Variants in DSCAML1 observed in about 807,000 individuals in gnomAD.
The protein encoded by DSCAML1 is DS cell adhesion molecule like 1, also known as cell adhesion molecule DSCAML1.
A neutral mutation model predicts 200.5 loss-of-function variants in DSCAML1; 38 were observed. The ratio of observed to expected loss-of-function variants is 0.19; its 90% CI spans 0.15 to 0.25. The LOEUF (loss-of-function observed/expected upper bound fraction) is 0.25, where lower values mean the gene tolerates loss of function less well. DSCAML1 is among the 10% of genes least tolerant of loss of function. The pLI is 1.00. For missense variants in DSCAML1, 2,223 were observed against 2,858.8 expected, an observed-to-expected ratio of 0.78 and a Z score of 5.07; for synonymous variants, 1,215 against 1,165.0, an observed-to-expected ratio of 1.04 and a Z score of -0.87.
At chr11:117,633,940 T>C (rs1671068832) in intron 3 of DSCAML1, among the ~76,000 whole-genome samples, 1 of 152,194 alleles carries the variant, frequency 6.6e-6, no homozygotes, top group African/African-American at 2.4e-5. Context: ...AATGGTACCA[T>C]GTGCATGCCT....
At chr11:117,637,048 T>C (rs2052302145) in intron 3 of DSCAML1, among the ~76,000 whole-genome samples, 1 of 152,164 alleles carries the variant, frequency 6.6e-6, no homozygotes, top group Admixed American at 6.5e-5. Flanking sequence ...TCCTGGCCTT[T>C]GCACATGCTG....
chr11:117,452,135 G>A (rs1342743712), intron 19 of DSCAML1, among the ~76,000 whole-genome samples: 1 of 152,172 alleles, frequency 6.6e-6, no homozygotes, highest in East Asian at 1.9e-4. Flanking sequence ...GGCCACTGGG[G>A]TAAGTGCACT....
chr11:117,462,210 G>A (rs377602405), intron 17 of DSCAML1, among the ~76,000 whole-genome samples: 1 of 152,186 alleles, frequency 6.6e-6, no homozygotes, highest in South Asian at 2.1e-4. Flanking sequence ...AGCTTCGCTC[G>A]TGCCCTTGTA....
intron 14 of DSCAML1, among the ~76,000 whole-genome samples, chr11:117,478,321 C>T (rs911349481): frequency 1.3e-5 from 2 of 152,114 alleles, no homozygotes; most frequent in African/African-American, 4.8e-5. Flanking sequence ...GGCAGGGAGG[C>T]GGTGTGTGCA....
chr11:117,785,558 C>T (rs2055336888), intron 1 of DSCAML1, among the ~76,000 whole-genome samples: 1 of 151,514 alleles, frequency 6.6e-6, no homozygotes, highest in Non-Finnish European at 1.5e-5. Flanking sequence ...AGTTGGGGGT[C>T]GAAGGCAGTG....
intron 3 of DSCAML1, among the ~76,000 whole-genome samples, chr11:117,649,037 A>ATG (rs1301863616): frequency 7.8e-6 from 1 of 127,978 alleles, no homozygotes; most frequent in African/African-American, 3.4e-5. Context: ...CTCTCTCCAT[A>ATG]TATATGTGTG....
chr11:117,598,638 G>T (rs926411111), intron 3 of DSCAML1, among the ~76,000 whole-genome samples: 2 of 152,170 alleles, frequency 1.3e-5, no homozygotes, highest in African/African-American at 2.4e-5. Context: ...CAAACATAAA[G>T]TCCAAACATG....
intron 21 of DSCAML1, among the ~76,000 whole-genome samples, chr11:117,441,522 G>A (rs1402014121): frequency 7.1e-6 from 1 of 141,178 alleles, no homozygotes; most frequent in African/African-American, 2.9e-5. Context: ...ATCACAGAAG[G>A]TGCGGGGCCA....
chr11:117,721,217 T>C (rs959674151), intron 3 of DSCAML1, among the ~76,000 whole-genome samples: 3 of 152,232 alleles, frequency 2.0e-5, no homozygotes, highest in South Asian at 2.1e-4. Flanking sequence ...TCATGTGCTA[T>C]TTCCTCCAGT....
Position 117,575,419 on chromosome 11 carries a change from C to G in DSCAML1, c.512-42897G>C, listed in dbSNP as rs1418811826. 3.9e-5 allele frequency among the ~76,000 whole-genome samples: 6 copies of G among 152,336 alleles called. No homozygotes were observed. In the East Asian group the frequency reaches 9.6e-4, roughly 24 times the overall value. On this transcript the variant is annotated intron_variant, in intron 3 of 32. Coordinates refer to ENST00000651296, the MANE Select transcript of DSCAML1 (RefSeq NM_020693.4). ...AGTTCCAACTGGTGGTTCTCAGCCT[C>G]TGATGCATATTAGGATCACTTTTCA...
At chr11:117,669,290 G>A (rs748233643) in intron 3 of DSCAML1, among the ~76,000 whole-genome samples, 3 of 152,236 alleles carry the variant, frequency 2.0e-5, no homozygotes, top group Non-Finnish European at 4.4e-5. Context: ...GCAGGCACCA[G>A]GGTGGGCAGA....
At chr11:117,587,256 C>CT (rs1565808710) in intron 3 of DSCAML1, among the ~76,000 whole-genome samples, 3 of 148,844 alleles carry the variant, frequency 2.0e-5, no homozygotes, top group South Asian at 4.5e-4. Flanking sequence ...CTTTCCAACC[C>CT]CCCCCCACGA....
chr11:117,699,276 CT>C (rs2137740133), intron 3 of DSCAML1, among the ~76,000 whole-genome samples: 1 of 152,276 alleles, frequency 6.6e-6, no homozygotes, highest in African/African-American at 2.4e-5. Context: ...GAGCTCTGGC[CT>C]TGGTGGCTGC....
At chr11:117,571,864 A>G (rs904409999) in intron 3 of DSCAML1, among the ~76,000 whole-genome samples, 1 of 152,212 alleles carries the variant, frequency 6.6e-6, no homozygotes, top group Admixed American at 6.5e-5. Context: ...AGGTTGCAGT[A>G]AAGGAGCTGG....
chr11:117,464,135 C>T (rs1012544350), intron 17 of DSCAML1, among the ~76,000 whole-genome samples: 2 of 151,860 alleles, frequency 1.3e-5, no homozygotes, highest in Admixed American at 1.3e-4. Flanking sequence ...TCTGTTGGGG[C>T]GGGGTGGGTA....
intron 11 of DSCAML1, among the ~76,000 whole-genome samples, chr11:117,490,903 C>A (rs558927117): frequency 5.3e-4 from 80 of 152,268 alleles, no homozygotes; most frequent in Admixed American, 1.0e-3. Flanking sequence ...GGCCAGGAGG[C>A]CAGTCCAGGG....
chr11:117,577,383 T>C (rs2050950487), intron 3 of DSCAML1, among the ~76,000 whole-genome samples: 1 of 143,242 alleles, frequency 7.0e-6, no homozygotes, highest in Non-Finnish European at 1.6e-5. Context: ...AAGATTTCCT[T>C]CCTTCCTCCC....
intron 3 of DSCAML1, among the ~76,000 whole-genome samples, chr11:117,541,434 A>G (rs914597922): frequency 6.6e-6 from 1 of 152,182 alleles, no homozygotes; most frequent in Non-Finnish European, 1.5e-5. Context: ...TGAATCAATG[A>G]ATCCTGGCAG....
In DSCAML1 at chr11:117,552,935, C is replaced by T. The variant is rs9651683; in HGVS notation, c.512-20413G>A. ...TGCTCAGTATTGTCCCAGGCTGGCC[C>T]GGGGAAGTGCGTGGTTGGGAAGACA... On this transcript the variant is annotated intron_variant, in intron 3 of 32. Transcript: ENST00000651296. Among the ~76,000 whole-genome samples, 631 of 152,246 alleles carry T rather than the reference C, an allele frequency of 4.1e-3. 3 individuals carry two copies. The highest frequency in any genetic ancestry group is 0.015 in the African/African-American group (606 of 41,550).
Sources: gnomAD v4.1 joint callset for allele counts (sites outside exome capture counted in the v4.1 genomes callset) on GRCh38, gnomAD v4.1.1 for gene constraint, MANE v1.5 for transcripts, NCBI Gene and HGNC (gene_info 2026-07-23, HGNC 2026-07-21) for gene names.